The following C8orf34 variants were observed in gnomAD, a reference collection of about 807,000 sequenced individuals.
The protein encoded by C8orf34 is chromosome 8 open reading frame 34.
Under a neutral mutation model 68.3 loss-of-function variants are expected in C8orf34, and 65 were observed. That is an observed-to-expected ratio of 0.95 (90% CI 0.78 to 1.17). The LOEUF (loss-of-function observed/expected upper bound fraction) is 1.17, where lower values mean the gene tolerates loss of function less well. Among genes scored for constraint, C8orf34 ranks in the 50% most tolerant of loss-of-function variants. The pLI is 0.00. For missense variants in C8orf34, 664 were observed against 655.4 expected (o/e 1.01, Z -0.14); for synonymous variants, 244 against 241.2 (o/e 1.01, Z -0.11).
At chr8:68,787,406 A>G (rs770840420) in intron 11 of C8orf34, 37 bp from the exon 12 acceptor site, 1 of 1,467,768 alleles carries the variant, frequency 6.8e-7, no homozygotes, top group Non-Finnish European at 9.5e-7. Context: ...TGATATCAAA[A>G]CAGAGTTTAA....
chr8:68,571,771 G>A (rs1160196598), intron 7 of C8orf34, among the ~76,000 whole-genome samples: 1 of 152,176 alleles, frequency 6.6e-6, no homozygotes, highest in Admixed American at 6.5e-5. Context: ...TGCTTTCATT[G>A]ATTTCAGAAT....
At chr8:68,550,650 G>A (rs1816034319) in intron 7 of C8orf34, among the ~76,000 whole-genome samples, 2 of 151,782 alleles carry the variant, frequency 1.3e-5, no homozygotes, top group South Asian at 4.1e-4. Context: ...TGCTGAAAGA[G>A]AGGTCTACTG....
chr8:68,688,232 G>A (rs1272163994), intron 8 of C8orf34, among the ~76,000 whole-genome samples: 2 of 152,012 alleles, frequency 1.3e-5, no homozygotes, highest in Non-Finnish European at 2.9e-5. Context: ...AGTAAAAGCA[G>A]ATCCCAGCAA....
intron 7 of C8orf34, among the ~76,000 whole-genome samples, chr8:68,547,331 A>G (rs1277280641): frequency 6.6e-6 from 1 of 151,830 alleles, no homozygotes; most frequent in Admixed American, 6.6e-5. Flanking sequence ...GATGTAAAAC[A>G]AGAAGAAAAG....
Position 68,535,064 on chromosome 8 carries a change from TC to T in C8orf34, c.1105+1917del. ...TGTTGGTCTCTAGGTCATGAGATTATCCTCTTATAGCTTGGAATGTTACAAG... is the reference window on the plus strand; with the variant it reads ...TGTTGGTCTCTAGGTCATGAGATTATCTCTTATAGCTTGGAATGTTACAAG... On this transcript the variant is annotated intron_variant, in intron 7 of 13. Coordinates refer to ENST00000518698, the MANE Select transcript of C8orf34 (RefSeq NM_052958.4). The T allele has an allele frequency of 3.0e-6, 3 of 985,378 alleles. No individual in the cohort carries two copies. The South Asian group carries it at 1.4e-4, about 46-fold the overall frequency. The allele number at this position is 985,378 out of a possible 1,614,324, so 61.0% of individuals were successfully genotyped here.
chr8:68,491,882 C>A (rs754355473), intron 5 of C8orf34, among the ~76,000 whole-genome samples: 18 of 152,216 alleles, frequency 1.2e-4, no homozygotes, highest in Non-Finnish European at 2.1e-4. Context: ...GTTCTTCAAG[C>A]TCCCATGATT....
Position 68,716,178 on chromosome 8 carries a change from T to C in C8orf34, c.1328-5183T>C, listed in dbSNP as rs1287365740. ...GCGGACTTGGGGGAAAGGGTGGGGG[T>C]GGTGAAGGATAAAAGACTACACATT... On this transcript the variant is annotated intron_variant, in intron 9 of 13. Coordinates refer to ENST00000518698, the MANE Select transcript of C8orf34 (RefSeq NM_052958.4). 2.6e-5 allele frequency among the ~76,000 whole-genome samples: 4 copies of C among 151,062 alleles called. No homozygotes were observed. The East Asian group carries it at 7.9e-4, about 30-fold the overall frequency.
At chr8:68,470,967 G>A (rs1350542681) in intron 4 of C8orf34, among the ~76,000 whole-genome samples, 2 of 152,112 alleles carry the variant, frequency 1.3e-5, no homozygotes, top group Non-Finnish European at 2.9e-5. Context: ...ATGATCAGAA[G>A]CTAATGGGGG....
At chr8:68,804,666 G>C (rs7460007) in intron 12 of C8orf34, among the ~76,000 whole-genome samples, 36,488 of 151,904 alleles carry the variant, frequency 0.24, 4,779 homozygotes, top group East Asian at 0.47. Flanking sequence ...TAGCTACTTG[G>C]TACTTGGGAG....
intron 1 of C8orf34, among the ~76,000 whole-genome samples, chr8:68,386,792 A>G (rs2129620433): frequency 6.6e-6 from 1 of 152,178 alleles, no homozygotes; most frequent in Middle Eastern, 3.4e-3. Flanking sequence ...GGACCAGATC[A>G]TTCTTTGCTG....
chr8:68,594,735 T>C (rs546859945), intron 7 of C8orf34, among the ~76,000 whole-genome samples: 7 of 152,284 alleles, frequency 4.6e-5, no homozygotes, highest in Non-Finnish European at 1.0e-4. Context: ...TTTTAAAAAT[T>C]AAATCTGACA....
chr8:68,815,425 T>C (rs977407372), intron 12 of C8orf34, among the ~76,000 whole-genome samples: 1 of 152,184 alleles, frequency 6.6e-6, no homozygotes, highest in African/African-American at 2.4e-5. Flanking sequence ...ATCATATTTC[T>C]TGATAATATG....
chr8:68,769,431 T>A (rs719689), intron 10 of C8orf34, among the ~76,000 whole-genome samples: 1 of 151,640 alleles, frequency 6.6e-6, no homozygotes, highest in Non-Finnish European at 1.5e-5. Context: ...ATTTTGAATC[T>A]TTTCATATTT....
chr8:68,787,318 T>G (rs1360657730), intron 11 of C8orf34, 125 bp from the exon 12 acceptor site: 5 of 573,936 alleles, frequency 8.7e-6, no homozygotes, highest in Non-Finnish European at 3.0e-6. Flanking sequence ...CTCTCCTTTT[T>G]TTAATGAGGA....
At chr8:68,485,276 A>G (rs1234373901) in intron 4 of C8orf34, among the ~76,000 whole-genome samples, 1 of 152,192 alleles carries the variant, frequency 6.6e-6, no homozygotes, top group Non-Finnish European at 1.5e-5. Context: ...GAACAGTGAT[A>G]TATTGCCACT....
chr8:68,660,872 T>C lies in C8orf34; in HGVS notation c.1241+20361T>C, dbSNP rs538926219. The stretch of plus-strand genomic sequence containing the variant: ...AAAATTCCCTGTATTCACAGGGCTA[T>C]GTGTTAACTCCTGACATAGCTACAA... On this transcript the variant is annotated intron_variant, in intron 8 of 13. Coordinates refer to ENST00000518698, the MANE Select transcript of C8orf34 (RefSeq NM_052958.4). 7.9e-4 allele frequency among the ~76,000 whole-genome samples: 119 copies of C among 151,246 alleles called. 1 individual carries two copies. The highest frequency in any genetic ancestry group is 2.8e-3 in the African/African-American group (116 of 41,172).
intron 7 of C8orf34, chr8:68,535,668 G>A: frequency 2.8e-6 from 2 of 715,736 alleles, no homozygotes; most frequent in Non-Finnish European, 3.4e-6. Context: ...TTTTCTAAAT[G>A]TTTTAGGCAT....
chr8:68,431,634 A>G (rs1810455235), intron 1 of C8orf34, among the ~76,000 whole-genome samples: 1 of 152,216 alleles, frequency 6.6e-6, no homozygotes, highest in Non-Finnish European at 1.5e-5. Context: ...TTGTGCTTTT[A>G]TATGAAGACT....
At chr8:68,649,122 G>T (rs1238035284) in intron 8 of C8orf34, among the ~76,000 whole-genome samples, 1 of 152,118 alleles carries the variant, frequency 6.6e-6, no homozygotes, top group Non-Finnish European at 1.5e-5. Context: ...GGACAAAAAA[G>T]GATTACTATC....
Sources: allele counts gnomAD v4.1 joint callset (sites outside exome capture counted in the v4.1 genomes callset), GRCh38; gene constraint gnomAD v4.1.1; transcripts MANE v1.5; gene names NCBI Gene and HGNC (gene_info 2026-07-23, HGNC 2026-07-21).